Variants in NFATC3 observed in about 807,000 individuals in gnomAD.
NFATC3 encodes nuclear factor of activated T-cells, cytoplasmic 3.
Under a neutral mutation model 98.6 loss-of-function variants are expected in NFATC3, and 46 were observed. The ratio of observed to expected loss-of-function variants is 0.47; its 90% CI spans 0.37 to 0.60. The LOEUF is 0.60. Among genes scored for constraint, NFATC3 ranks in the 20% least tolerant of loss-of-function variants. The probability of loss-of-function intolerance (pLI) is 0.00; values close to 1 mark genes in which losing one functional copy is unlikely to be tolerated. For synonymous variants in NFATC3, 512 were observed against 472.2 expected (o/e 1.08, Z -1.09); for missense variants, 1,256 against 1,295.5 (o/e 0.97, Z 0.47).
chr16:68,172,156 A>C (rs1012732073), intron 5 of NFATC3, among the ~76,000 whole-genome samples: 30 of 152,246 alleles, frequency 2.0e-4, no homozygotes, highest in African/African-American at 5.1e-4. Context: ...TCTATGAAAG[A>C]ATTGATTATA....
rs1598489374 is a variant in NFATC3 at position 68,167,909 on chromosome 16, T to C, written c.1774+894T>C. Among the ~76,000 whole-genome samples the C allele has an allele frequency of 3.7e-5, 5 of 133,892 alleles. No individual in the cohort carries two copies. The Admixed American group carries it at 4.3e-4, about 11-fold the overall frequency. 87.8% of individuals were successfully genotyped at this position (133,892 alleles called of 152,430 possible). A position where few individuals can be genotyped will look rare whatever the true frequency, so the allele number is the denominator to read the frequency against. ...GTGCAGTGTTGTGATCTTGGCTCAC[T>C]GCAACCTCCACCTCCTAGGTTCAAA... is the stretch of plus-strand genomic sequence containing the variant. On this transcript the variant is annotated intron_variant, in intron 5 of 9. Transcript: ENST00000346183.
intron 5 of NFATC3, among the ~76,000 whole-genome samples, chr16:68,173,091 T>C (rs2039539245): frequency 6.6e-6 from 1 of 151,712 alleles, no homozygotes; most frequent in Non-Finnish European, 1.5e-5. Context: ...ACCCTATCTC[T>C]ACAAAAATAA....
At chr16:68,140,249 C>T (rs548910443) in intron 3 of NFATC3, among the ~76,000 whole-genome samples, 10 of 152,228 alleles carry the variant, frequency 6.6e-5, no homozygotes, top group African/African-American at 1.7e-4. Context: ...GACCCGCCCA[C>T]GTTGGGATTA....
intron 9 of NFATC3, among the ~76,000 whole-genome samples, chr16:68,201,748 C>T (rs1277580158): frequency 1.7e-4 from 25 of 149,814 alleles, no homozygotes; most frequent in African/African-American, 5.6e-4. Flanking sequence ...GTCAGGAGTT[C>T]GAGTCCAGCC....
chr16:68,205,617 T>C (rs1019914053), intron 9 of NFATC3, among the ~76,000 whole-genome samples: 2 of 152,190 alleles, frequency 1.3e-5, no homozygotes, highest in African/African-American at 2.4e-5. Context: ...AAAATCTGTC[T>C]TCTAAGTAGA....
At chr16:68,211,801 C>T (rs2041414395) in intron 9 of NFATC3, among the ~76,000 whole-genome samples, 1 of 152,210 alleles carries the variant, frequency 6.6e-6, no homozygotes, top group African/African-American at 2.4e-5. Flanking sequence ...GGATTACAGG[C>T]ATGAGGCACC....
intron 9 of NFATC3, among the ~76,000 whole-genome samples, chr16:68,203,464 T>C (rs2041012156): frequency 6.6e-6 from 1 of 151,940 alleles, no homozygotes; most frequent in South Asian, 2.1e-4. Context: ...AAACCCTGTC[T>C]CTATAAAAAA....
rs1362493815 is a variant in NFATC3 at position 68,226,479 on chromosome 16, T to C, written c.*8T>C. The stretch of plus-strand genomic sequence containing the variant: ...AGATCTGATGGGCTCTAACAGTGCT[T>C]ACTGCAGCCTTGTGTCCACCACCAA... On this transcript the variant is annotated 3_prime_UTR_variant, in exon 10 of 10. Coordinates refer to ENST00000346183, the MANE Select transcript of NFATC3 (RefSeq NM_173165.3). 1 of 1,491,650 alleles carries C rather than the reference T, an allele frequency of 6.7e-7. No individual in the cohort carries two copies. The highest frequency in any genetic ancestry group is 8.9e-7 in the Non-Finnish European group (1 of 1,126,698). The allele number at this position is 1,491,650 out of a possible 1,614,324, so 92.4% of individuals were successfully genotyped here. A position where few individuals can be genotyped will look rare whatever the true frequency, so the allele number is the denominator to read the frequency against.
chr16:68,160,541 TTAAA>T (rs1276783338), intron 4 of NFATC3, among the ~76,000 whole-genome samples: 3 of 152,034 alleles, frequency 2.0e-5, no homozygotes, highest in South Asian at 4.1e-4. Context: ...AATAAAATCT[TTAAA>T]TAAATATAAA....
At chr16:68,127,436 C>T (rs1400843044) in intron 3 of NFATC3, among the ~76,000 whole-genome samples, 1 of 151,902 alleles carries the variant, frequency 6.6e-6, no homozygotes, top group African/African-American at 2.4e-5. Flanking sequence ...TCTGTAATCC[C>T]AGCACTTTGT....
chr16:68,153,642 C>G (rs1376761864), intron 3 of NFATC3, among the ~76,000 whole-genome samples: 1 of 152,064 alleles, frequency 6.6e-6, no homozygotes, highest in Admixed American at 6.6e-5. Context: ...GAGACAGAGT[C>G]TCGCTCTGTC....
chr16:68,210,066 G>C (rs896425817), intron 9 of NFATC3, among the ~76,000 whole-genome samples: 6 of 152,108 alleles, frequency 3.9e-5, no homozygotes, highest in Admixed American at 3.9e-4. Context: ...GGGAGGCCGA[G>C]GTGGGCGGAT....
At chr16:68,196,986 C>T (rs977497100) in intron 9 of NFATC3, among the ~76,000 whole-genome samples, 5 of 152,002 alleles carry the variant, frequency 3.3e-5, no homozygotes, top group Admixed American at 6.6e-5. Flanking sequence ...GCCGAGATTG[C>T]GCCATTGCAA....
Position 68,191,512 on chromosome 16 carries a change from A to G in NFATC3, c.2843A>G (p.Gln948Arg). ...TCTGGGCCACCATCTCCTCAGCTTCAGCCTATGCCTTACCAATCTCCTAGC... is the reference window on the plus strand; with the variant it reads ...TCTGGGCCACCATCTCCTCAGCTTCGGCCTATGCCTTACCAATCTCCTAGC... ...PLSGPPSPQLQPMPYQSPSSG... is the reference protein window; with the variant it reads ...PLSGPPSPQLRPMPYQSPSSG... The change falls in exon 9 of 10, where the codon CAG becomes CGG. Residue 948 changes from glutamine (Q) to arginine (R), a missense_variant. By Grantham distance (43) the Gln-to-Arg change is conservative. Coordinates refer to ENST00000346183, the MANE Select transcript of NFATC3 (RefSeq NM_173165.3). The G allele has an allele frequency of 1.2e-6, 2 of 1,614,120 alleles. No individual in the cohort carries two copies. Among genetic ancestry groups the G allele is most frequent in the Non-Finnish European group, 1.7e-6 (2 of 1,180,026 alleles).
chr16:68,120,944 T>G (rs2036540533), intron 1 of NFATC3, among the ~76,000 whole-genome samples: 1 of 152,164 alleles, frequency 6.6e-6, no homozygotes, highest in Non-Finnish European at 1.5e-5. Flanking sequence ...TAACACAGAC[T>G]TTTTTTCATT....
rs1250396129 is a variant in NFATC3, at chr16:68,156,070, A to G, written c.1402-1799A>G. 3.3e-5 allele frequency among the ~76,000 whole-genome samples: 5 copies of G among 152,276 alleles called. No individual in the cohort carries two copies. The East Asian group carries it at 9.7e-4, about 29-fold the overall frequency. On this transcript the variant is annotated intron_variant, in intron 3 of 9. Coordinates refer to ENST00000346183, the MANE Select transcript of NFATC3 (RefSeq NM_173165.3). ...ATTGACTCATGCCTGTAATCCCAGC[A>G]CTTTGGGAGAGGGGTGGATCGCCTG...
At chr16:68,223,957 TTATCAC>T in intron 9 of NFATC3, among the ~76,000 whole-genome samples, 1 of 147,330 alleles carries the variant, frequency 6.8e-6, no homozygotes, top group African/African-American at 2.5e-5. Flanking sequence ...AAAAAATTGC[TTATCAC>T]TGGCCAGGCG....
At chr16:68,205,070 A>G (rs2041089936) in intron 9 of NFATC3, among the ~76,000 whole-genome samples, 1 of 151,966 alleles carries the variant, frequency 6.6e-6, no homozygotes, top group East Asian at 1.9e-4. Context: ...CAACATGTGA[A>G]AGTCTCATTT....
At chr16:68,209,057 T>G (rs914536890) in intron 9 of NFATC3, among the ~76,000 whole-genome samples, 14 of 152,214 alleles carry the variant, frequency 9.2e-5, no homozygotes, top group African/African-American at 2.9e-4. Flanking sequence ...AGTGGGCATC[T>G]TTGCTTTGTT....
Sources: gnomAD v4.1 joint callset for allele counts (sites outside exome capture counted in the v4.1 genomes callset) on GRCh38, gnomAD v4.1.1 for gene constraint, MANE v1.5 for transcripts, NCBI Gene and HGNC (gene_info 2026-07-23, HGNC 2026-07-21) for gene names.